Variants in ILDR1 observed in about 807,000 individuals in gnomAD.
The protein encoded by ILDR1 is immunoglobulin-like domain-containing receptor 1.
Under a neutral mutation model 62.4 loss-of-function variants are expected in ILDR1, and 56 were observed. The observed-to-expected ratio is 0.90, with a 90% confidence interval of 0.72 to 1.12. ILDR1 has a LOEUF of 1.12. Among genes scored for constraint, ILDR1 ranks in the 50% most tolerant of loss-of-function variants. The pLI, the probability that ILDR1 is intolerant of heterozygous loss-of-function variation, is 0.00. For missense variants in ILDR1, 736 were observed against 710.6 expected (o/e 1.04, Z -0.41); for synonymous variants, 284 against 277.8 (o/e 1.02, Z -0.22).
the ILDR1 span, among the ~76,000 whole-genome samples, chr3:122,053,417 A>C: frequency 6.6e-6 from 1 of 152,282 alleles, no homozygotes; most frequent in Admixed American, 6.5e-5. Flanking sequence ...GTTATACAGC[A>C]ATGGATAACT....
intron 2 of ILDR1, 70 bp from the exon 3 acceptor site, chr3:122,005,463 G>A: frequency 6.4e-7 from 1 of 1,561,894 alleles, no homozygotes; most frequent in Non-Finnish European, 8.8e-7. Context: ...TTCCCTTCCT[G>A]CTCCGGGCGT....
chr3:122,036,497 G>C, the ILDR1 span, among the ~76,000 whole-genome samples: 1 of 151,844 alleles, frequency 6.6e-6, no homozygotes, highest in African/African-American at 2.4e-5. Flanking sequence ...GCTGAGGCAG[G>C]AGAATGGTGT....
At chr3:122,009,324 AACACACACACACACACAC>A (rs60284951) in intron 1 of ILDR1, among the ~76,000 whole-genome samples, 2,001 of 137,898 alleles carry the variant, frequency 0.015, 44 homozygotes, top group African/African-American at 0.051. Flanking sequence ...CTCAATTTAA[AACACACACACACACACAC>A]ACACACACAC....
At chr3:122,014,468 T>A (rs1486258003) in intron 1 of ILDR1, among the ~76,000 whole-genome samples, 1 of 152,204 alleles carries the variant, frequency 6.6e-6, no homozygotes, top group Non-Finnish European at 1.5e-5. Flanking sequence ...TTTCACTCCA[T>A]CAATGAGCCA....
the ILDR1 span, among the ~76,000 whole-genome samples, chr3:122,052,225 C>T: frequency 1.3e-5 from 2 of 152,220 alleles, no homozygotes; most frequent in African/African-American, 4.8e-5. Context: ...CTATTTAGCT[C>T]TTTGGTTTCT....
chr3:122,030,741 G>A, the ILDR1 span, among the ~76,000 whole-genome samples: 249 of 151,656 alleles, frequency 1.6e-3, no homozygotes, highest in Non-Finnish European at 3.1e-3. Flanking sequence ...CATACATCTC[G>A]GTTAAGCTCA....
chr3:122,051,576 T>A, the ILDR1 span, among the ~76,000 whole-genome samples: 2 of 152,308 alleles, frequency 1.3e-5, no homozygotes, highest in South Asian at 2.1e-4. Context: ...TTATTTAGAA[T>A]TTTTTGTCAG....
At chr3:122,047,557 G>A in the ILDR1 span, among the ~76,000 whole-genome samples, 1 of 152,314 alleles carries the variant, frequency 6.6e-6, no homozygotes, top group Non-Finnish European at 1.5e-5. Context: ...TGTGCTAGCA[G>A]TCAGCGAGAT....
the ILDR1 span, among the ~76,000 whole-genome samples, chr3:122,050,367 T>A: frequency 6.6e-6 from 1 of 152,184 alleles, no homozygotes; most frequent in Non-Finnish European, 1.5e-5. Flanking sequence ...CCTTTGTGTT[T>A]CATGGATTTT....
At position 122,005,242 on chromosome 3, in the gene ILDR1, A is replaced by G; in HGVS notation, c.379+2T>C. 1 of 1,493,510 alleles carries G rather than the reference A, an allele frequency of 6.7e-7. No individual in the cohort carries two copies. Among genetic ancestry groups the G allele is most frequent in the Non-Finnish European group, 9.0e-7 (1 of 1,112,688 alleles). The allele number at this position is 1,493,510 out of a possible 1,614,324, so 92.5% of individuals were successfully genotyped here. On this transcript the variant is annotated splice_donor_variant, in intron 3 of 7. Coordinates refer to ENST00000344209, the MANE Select transcript of ILDR1 (RefSeq NM_001199799.2). LOFTEE classifies it high-confidence loss of function. ...TTCCCCTGACACCTCCCCCGCACTC[A>G]CGGTTCTGGATGGTGATCTTGCGCT...
chr3:122,013,433 A>G lies in ILDR1; in HGVS notation c.59-6272T>C, dbSNP rs145592959. Among the ~76,000 whole-genome samples, 73 of 152,284 alleles carry G rather than the reference A, an allele frequency of 4.8e-4. 1 individual carries two copies. In the East Asian group the frequency reaches 0.011, roughly 23 times the overall value. On this transcript the variant is annotated intron_variant, in intron 1 of 7. Coordinates refer to ENST00000344209, the MANE Select transcript of ILDR1 (RefSeq NM_001199799.2). Reference sequence around the variant, plus strand: ...CAAGGGGCAGTGGCCTGGGACTGACAGGAATTGATTCCTGAGTGTTTTTCA... The same window carrying G: ...CAAGGGGCAGTGGCCTGGGACTGACGGGAATTGATTCCTGAGTGTTTTTCA...
Position 121,993,586 on chromosome 3 carries a change from C to T in ILDR1, c.1163G>A (p.Trp388Ter), listed in dbSNP as rs772490051. The T allele has an allele frequency of 1.9e-6, 3 of 1,614,214 alleles. No homozygotes were observed. Among genetic ancestry groups the T allele is most frequent in the Admixed American group, 3.3e-5 (2 of 60,024 alleles). Residue 388 changes from tryptophan to a stop codon, truncating the protein, a stop_gained, in exon 7 of 8, where the codon TGG becomes TAG. Coordinates refer to ENST00000344209, the MANE Select transcript of ILDR1 (RefSeq NM_001199799.2). LOFTEE classifies it high-confidence loss of function. ...GTCCAACTCCCTTCTTTCCAATGCC[C>T]AAGACTTTGGCCCCCGGTCCTGGAG... ...QELQDRGPKS[W>*]ALERRELDPS...
the ILDR1 span, among the ~76,000 whole-genome samples, chr3:122,042,241 C>G: frequency 1.5e-5 from 1 of 68,348 alleles, no homozygotes; most frequent in Non-Finnish European, 2.8e-5. Flanking sequence ...ACAAAGGACA[C>G]GAACTCATCA....
the ILDR1 span, among the ~76,000 whole-genome samples, chr3:122,059,494 C>A: frequency 6.6e-6 from 1 of 150,854 alleles, no homozygotes; most frequent in East Asian, 1.9e-4. Context: ...TGAGATAGCA[C>A]CACGGCACTC....
At chr3:122,032,707 C>T in the ILDR1 span, among the ~76,000 whole-genome samples, 1 of 152,194 alleles carries the variant, frequency 6.6e-6, no homozygotes, top group African/African-American at 2.4e-5. Flanking sequence ...TCCTTGTCCA[C>T]TCTGGGAAAA....
upstream of ILDR1, among the ~76,000 whole-genome samples, chr3:122,026,244 G>GTGA (rs769586626): frequency 1.3e-5 from 2 of 152,246 alleles, no homozygotes; most frequent in African/African-American, 2.4e-5. Context: ...CTTGGCAGCA[G>GTGA]TGAGAAGAAT....
chr3:122,050,760 G>A, the ILDR1 span, among the ~76,000 whole-genome samples: 1 of 151,606 alleles, frequency 6.6e-6, no homozygotes, highest in Non-Finnish European at 1.5e-5. Flanking sequence ...TCATGTTTTT[G>A]TATTGCTGTT....
chr3:122,054,250 T>C, the ILDR1 span, among the ~76,000 whole-genome samples: 1 of 152,270 alleles, frequency 6.6e-6, no homozygotes, highest in Non-Finnish European at 1.5e-5. Context: ...TTAGCCTTAT[T>C]TCTCCATGTT....
intron 1 of ILDR1, among the ~76,000 whole-genome samples, chr3:122,014,524 T>C (rs1559882274): frequency 6.6e-6 from 1 of 152,222 alleles, no homozygotes. Context: ...AGGTTGTTTC[T>C]GACTTTTAAG....
Sources: gnomAD v4.1 joint callset for allele counts (sites outside exome capture counted in the v4.1 genomes callset) on GRCh38, gnomAD v4.1.1 for gene constraint, MANE v1.5 for transcripts, NCBI Gene and HGNC (gene_info 2026-07-23, HGNC 2026-07-21) for gene names.